The following UNC13C variants were observed in gnomAD, a reference collection of about 807,000 sequenced individuals.
UNC13C encodes protein unc-13 homolog C.
Under a neutral mutation model 245.4 loss-of-function variants are expected in UNC13C, and 174 were observed. The observed-to-expected ratio is 0.71, with a 90% CI of 0.63 to 0.80. UNC13C has a LOEUF of 0.80. Ranked by LOEUF, UNC13C falls within the 30% of genes least tolerant of loss-of-function variation. The pLI, the probability that UNC13C is intolerant of heterozygous loss-of-function variation, is 0.00. For missense variants in UNC13C, 2,829 were observed against 2,602.9 expected (o/e 1.09, Z -1.89); for synonymous variants, 992 against 895.1 (o/e 1.11, Z -1.93).
intron 4 of UNC13C, among the ~76,000 whole-genome samples, chr15:54,186,808 C>G (rs1381196728): frequency 1.4e-5 from 2 of 139,424 alleles, no homozygotes; most frequent in African/African-American, 2.6e-5. Flanking sequence ...ACCACATTAT[C>G]ATGTCCACTG....
At chr15:54,433,534 C>T (rs184593753) in intron 19 of UNC13C, among the ~76,000 whole-genome samples, 6 of 151,980 alleles carry the variant, frequency 3.9e-5, no homozygotes, top group Admixed American at 3.9e-4. Flanking sequence ...AATTCAATAC[C>T]CCTTCATGCT....
At chr15:54,098,864 T>C (rs1012429292) in intron 2 of UNC13C, among the ~76,000 whole-genome samples, 4 of 152,202 alleles carry the variant, frequency 2.6e-5, no homozygotes, top group Non-Finnish European at 5.9e-5. Context: ...CTAAAGGACA[T>C]TTTCATTCCC....
chr15:54,631,718 A>G (rs1404221413), downstream of UNC13C: 2 of 152,216 alleles, frequency 1.3e-5, no homozygotes, highest in Non-Finnish European at 2.9e-5. Context: ...ACTGCACTGT[A>G]TGAACATTAA....
chr15:54,129,891 T>TA (rs34752777), intron 2 of UNC13C, among the ~76,000 whole-genome samples: 55,189 of 146,382 alleles, frequency 0.38, 10,247 homozygotes, highest in Admixed American at 0.41. Flanking sequence ...TATTGTCTTT[T>TA]TTTTTGTACT....
At chr15:54,504,656 C>T (rs1894386795) in intron 22 of UNC13C, among the ~76,000 whole-genome samples, 1 of 152,178 alleles carries the variant, frequency 6.6e-6, no homozygotes, top group South Asian at 2.1e-4. Flanking sequence ...AAATACATTA[C>T]ATAAATCCGT....
intron 19 of UNC13C, among the ~76,000 whole-genome samples, chr15:54,439,225 G>C (rs762497171): frequency 6.6e-6 from 1 of 151,970 alleles, no homozygotes; most frequent in African/African-American, 2.4e-5. Context: ...AATAACAGTA[G>C]TAAGTCCAAA....
intron 18 of UNC13C, among the ~76,000 whole-genome samples, chr15:54,413,632 T>C (rs188543766): frequency 6.6e-6 from 1 of 152,282 alleles, no homozygotes; most frequent in Non-Finnish European, 1.5e-5. Context: ...TAAAATCGAA[T>C]GCCTTATTAG....
intron 2 of UNC13C, chr15:54,050,538 C>A: frequency 2.1e-6 from 1 of 473,070 alleles, no homozygotes; most frequent in Non-Finnish European, 4.2e-6. Context: ...CTTCATCATT[C>A]TATCTTCCTG....
At position 54,553,933 on chromosome 15, in the gene UNC13C, CTT is replaced by C. The variant is rs1454987536; in HGVS notation, c.5878-1497_5878-1496del. Among the ~76,000 whole-genome samples the C allele has an allele frequency of 4.6e-5, 7 of 152,040 alleles. No homozygotes were observed. The Admixed American group carries it at 4.6e-4, about 10-fold the overall frequency. ...TAATTCAGCAAACATTTCTATTACT[CTT>C]TGAGTCTCAATGGGTATATAATATT... On this transcript the variant is annotated intron_variant, in intron 28 of 32. Transcript: ENST00000260323.
chr15:53,968,113 C>T, the UNC13C span: 1 of 152,084 alleles, frequency 6.6e-6, no homozygotes, highest in Non-Finnish European at 1.5e-5. Flanking sequence ...GACTTGAGGA[C>T]TGGAGTCTGG....
At chr15:54,272,546 A>G (rs535255862) in intron 10 of UNC13C, among the ~76,000 whole-genome samples, 1 of 152,298 alleles carries the variant, frequency 6.6e-6, no homozygotes, top group East Asian at 1.9e-4. Context: ...GTCATTTGTC[A>G]CAGAAGATGG....
chr15:53,893,105 A>G, the UNC13C span, among the ~76,000 whole-genome samples: 1 of 152,164 alleles, frequency 6.6e-6, no homozygotes, highest in Admixed American at 6.5e-5. Flanking sequence ...TCTAACAGTC[A>G]GGCTCCTCTG....
intron 19 of UNC13C, among the ~76,000 whole-genome samples, chr15:54,420,717 A>T (rs1268719467): frequency 6.6e-6 from 1 of 152,030 alleles, no homozygotes; most frequent in Non-Finnish European, 1.5e-5. Context: ...CATTTCTCTC[A>T]GCCCTTCCCA....
chr15:54,077,705 T>C (rs553818698), intron 2 of UNC13C, among the ~76,000 whole-genome samples: 3 of 152,238 alleles, frequency 2.0e-5, no homozygotes, highest in African/African-American at 7.2e-5. Context: ...TAGATGCTGT[T>C]TTATTAGTCC....
intron 4 of UNC13C, among the ~76,000 whole-genome samples, chr15:54,200,474 C>G (rs1415362098): frequency 1.3e-5 from 2 of 151,924 alleles, no homozygotes; most frequent in South Asian, 2.1e-4. Flanking sequence ...GAAATTGTGT[C>G]AAGTACTCTC....
intron 4 of UNC13C, among the ~76,000 whole-genome samples, chr15:54,153,089 T>C (rs2032595215): frequency 2.0e-5 from 3 of 152,046 alleles, no homozygotes; most frequent in South Asian, 4.1e-4. Context: ...TCACTTCTTA[T>C]TTAAAGCAAC....
At chr15:54,594,372 G>C (rs141511077) in intron 30 of UNC13C, among the ~76,000 whole-genome samples, 1 of 151,906 alleles carries the variant, frequency 6.6e-6, no homozygotes, top group Non-Finnish European at 1.5e-5. Context: ...ATTGGTGGGC[G>C]ATGCCTTAGA....
intron 2 of UNC13C, among the ~76,000 whole-genome samples, chr15:54,103,318 C>A (rs1900263526): frequency 6.6e-6 from 1 of 152,208 alleles, no homozygotes; most frequent in South Asian, 2.1e-4. Flanking sequence ...TAAGCACAGC[C>A]TGTCTTCCTT....
chr15:54,407,028 A>G (rs559390736), intron 18 of UNC13C, among the ~76,000 whole-genome samples: 86 of 152,264 alleles, frequency 5.6e-4, no homozygotes, highest in African/African-American at 2.0e-3. Flanking sequence ...AGGTGAAAGA[A>G]ATGAAAGTTG....
Sources: allele counts gnomAD v4.1 joint callset (sites outside exome capture counted in the v4.1 genomes callset), GRCh38; gene constraint gnomAD v4.1.1; transcripts MANE v1.5; gene names NCBI Gene and HGNC (gene_info 2026-07-23, HGNC 2026-07-21).